Variants in UVRAG observed in about 807,000 individuals in gnomAD.
UVRAG encodes the protein UV radiation resistance-associated gene protein.
In UVRAG, 19 loss-of-function variants were observed where a neutral mutation model predicts 78.0. The ratio of observed to expected loss-of-function variants is 0.24; its 90% confidence interval spans 0.17 to 0.36. UVRAG has a LOEUF of 0.36. Among genes scored for constraint, UVRAG ranks in the 10% least tolerant of loss-of-function variants. UVRAG has a pLI of 1.00. For missense variants in UVRAG, 740 were observed against 853.8 expected, an observed-to-expected ratio of 0.87 and a Z score of 1.66; for synonymous variants, 323 against 324.6, an observed-to-expected ratio of 1.00 and a Z score of 0.05.
chr11:75,994,878 T>C (rs1949675331), intron 8 of UVRAG, among the ~76,000 whole-genome samples: 1 of 152,218 alleles, frequency 6.6e-6, no homozygotes, highest in African/African-American at 2.4e-5. Flanking sequence ...TTTATTATAG[T>C]ATGGCTGAAG....
intron 5 of UVRAG, among the ~76,000 whole-genome samples, chr11:75,897,706 T>C (rs1047136506): frequency 2.0e-5 from 3 of 151,758 alleles, no homozygotes; most frequent in African/African-American, 7.3e-5. Flanking sequence ...GTATTTTTAG[T>C]AGAGATGGGG....
In UVRAG at chr11:75,846,006, C is replaced by A. The variant is rs146690198; in HGVS notation, c.118-5877C>A. On this transcript the variant is annotated intron_variant, in intron 1 of 14. Coordinates refer to ENST00000356136, the MANE Select transcript of UVRAG (RefSeq NM_003369.4). The stretch of plus-strand genomic sequence containing the variant: ...TGTGTAAATTTACATTTTAATTACT[C>A]CGAATGTTTTTACTTTCCTGAGATA... 1.0e-3 allele frequency among the ~76,000 whole-genome samples: 158 copies of A among 152,180 alleles called. 1 individual carries two copies. The highest frequency in any genetic ancestry group is 3.4e-3 in the African/African-American group (142 of 41,512).
At chr11:75,837,122 G>C (rs1382322819) in intron 1 of UVRAG, among the ~76,000 whole-genome samples, 1 of 152,112 alleles carries the variant, frequency 6.6e-6, no homozygotes, top group African/African-American at 2.4e-5. Flanking sequence ...GAGGTCAGGA[G>C]ATCAAGACCA....
Position 76,130,935 on chromosome 11 carries a change from G to GTTTGTT in UVRAG, c.1398-9773_1398-9772insGTTTTT, listed in dbSNP as rs1565173721. Among the ~76,000 whole-genome samples the GTTTGTT allele has an allele frequency of 8.9e-3, 1,270 of 142,052 alleles. 22 individuals are homozygous for GTTTGTT. Among genetic ancestry groups the GTTTGTT allele is most frequent in the African/African-American group, 0.031 (1,198 of 38,604 alleles). The allele number at this position is 142,052 out of a possible 152,430, so 93.2% of individuals were successfully genotyped here. A position where few individuals can be genotyped will look rare whatever the true frequency, so the allele number is the denominator to read the frequency against. On this transcript the variant is annotated intron_variant, in intron 14 of 14. Coordinates refer to ENST00000356136, the MANE Select transcript of UVRAG (RefSeq NM_003369.4). ...AAAGGCAGAGGTTTTGGGTTTTTTT[G>GTTTGTT]TTTTTTTTTTTCATTTTTTCCCTGG...
intron 9 of UVRAG, among the ~76,000 whole-genome samples, chr11:76,007,179 A>AT (rs779543316): frequency 3.7e-4 from 57 of 152,098 alleles, no homozygotes; most frequent in South Asian, 1.5e-3. Context: ...AGCCAGGCTA[A>AT]TTTTTTTATT....
chr11:75,889,965 G>T (rs1662735067), intron 5 of UVRAG, among the ~76,000 whole-genome samples: 1 of 152,184 alleles, frequency 6.6e-6, no homozygotes, highest in South Asian at 2.1e-4. Flanking sequence ...AGTGAACTGT[G>T]TAAAGGGAGT....
At chr11:75,865,382 C>G (rs1853644600) in intron 3 of UVRAG, among the ~76,000 whole-genome samples, 1 of 150,704 alleles carries the variant, frequency 6.6e-6, no homozygotes, top group South Asian at 2.1e-4. Flanking sequence ...TTCTTTCTAA[C>G]TCTTGAATAC....
intron 8 of UVRAG, among the ~76,000 whole-genome samples, chr11:75,986,026 A>T (rs2135284187): frequency 6.6e-6 from 1 of 152,242 alleles, no homozygotes; most frequent in East Asian, 1.9e-4. Context: ...TTTTCATGTG[A>T]ATTTCTACAT....
intron 12 of UVRAG, among the ~76,000 whole-genome samples, chr11:76,043,019 G>C (rs1245721257): frequency 6.6e-6 from 1 of 152,172 alleles, no homozygotes; most frequent in African/African-American, 2.4e-5. Flanking sequence ...CAGTGATTTG[G>C]TTTTTCTGTC....
At chr11:75,874,580 TTTA>T (rs1946723805) in intron 3 of UVRAG, among the ~76,000 whole-genome samples, 2 of 152,252 alleles carry the variant, frequency 1.3e-5, no homozygotes, top group Non-Finnish European at 2.9e-5. Flanking sequence ...TTCATGTGGA[TTTA>T]TTGTTAGGAT....
At chr11:76,100,489 GTTCTCCCCATGAA>G (rs1435737878) in intron 13 of UVRAG, among the ~76,000 whole-genome samples, 1 of 152,090 alleles carries the variant, frequency 6.6e-6, no homozygotes, top group Non-Finnish European at 1.5e-5. Flanking sequence ...CTTAGGCCAT[GTTCTCCCCATGAA>G]TTCTCTCCTA....
chr11:75,965,128 A>C lies in UVRAG; in HGVS notation c.699+3579A>C, dbSNP rs889665134. ...TCAGTTTGTCAATTTCTACACACAC[A>C]AAAAAAAGGTCTGATGGAATTTTGA... On this transcript the variant is annotated intron_variant, in intron 7 of 14. Transcript: ENST00000356136. 8.9e-5 allele frequency among the ~76,000 whole-genome samples: 13 copies of C among 146,632 alleles called. No homozygotes were observed. In the South Asian group the frequency reaches 1.2e-3, roughly 14 times the overall value.
intron 5 of UVRAG, among the ~76,000 whole-genome samples, chr11:75,906,424 T>TCA (rs929999258): frequency 5.9e-5 from 9 of 151,966 alleles, no homozygotes; most frequent in Non-Finnish European, 1.5e-5. Context: ...TCAGCTCACT[T>TCA]CAATCTCTGC....
At chr11:76,126,297 T>C (rs1849244558) in intron 14 of UVRAG, among the ~76,000 whole-genome samples, 2 of 152,230 alleles carry the variant, frequency 1.3e-5, no homozygotes, top group Admixed American at 1.3e-4. Context: ...TTTAATAATA[T>C]ATTTTATTTA....
chr11:75,818,337 T>A lies in UVRAG; in HGVS notation c.117+2813T>A, dbSNP rs577031114. ...CTGTGTATGTCTAATGTTTTTTTTT[T>A]AAGTATTACTTTGTTGCCTTTTTTT... On this transcript the variant is annotated intron_variant, in intron 1 of 14. Coordinates refer to ENST00000356136, the MANE Select transcript of UVRAG (RefSeq NM_003369.4). Among the ~76,000 whole-genome samples, 19 of 152,276 alleles carry A rather than the reference T, an allele frequency of 1.2e-4. No homozygotes were observed. In the South Asian group the frequency reaches 2.7e-3, roughly 22 times the overall value.
At chr11:75,983,550 C>T (rs1409882056) in intron 8 of UVRAG, 37 bp downstream of exon 8, 2 of 1,514,754 alleles carry the variant, frequency 1.3e-6, no homozygotes, top group Non-Finnish European at 1.8e-6. Flanking sequence ...CTAACCTCCA[C>T]ATTCAGTAGT....
At chr11:75,886,341 G>A (rs1240380334) in intron 4 of UVRAG, among the ~76,000 whole-genome samples, 2 of 151,824 alleles carry the variant, frequency 1.3e-5, no homozygotes, top group Non-Finnish European at 2.9e-5. Flanking sequence ...TTTTGTTTGT[G>A]GACAATTTGG....
rs549885692 is a variant in UVRAG at position 75,826,029 on chromosome 11, G to A, written c.117+10505G>A. ...TTTTTGTAATTTTAGTAGAGATGGG[G>A]TTTCATCACGTTGGCCAGGCTGGTC... On this transcript the variant is annotated intron_variant, in intron 1 of 14. Transcript: ENST00000356136. 2.0e-5 allele frequency among the ~76,000 whole-genome samples: 3 copies of A among 152,070 alleles called. No individual in the cohort carries two copies. The East Asian group carries it at 5.8e-4, about 29-fold the overall frequency.
At chr11:75,897,993 C>T (rs980139888) in intron 5 of UVRAG, among the ~76,000 whole-genome samples, 4 of 151,046 alleles carry the variant, frequency 2.6e-5, no homozygotes, top group African/African-American at 4.9e-5. Context: ...CTCAGCCTCC[C>T]GAGTGGCTGG....
Sources: gnomAD v4.1 joint callset for allele counts (sites outside exome capture counted in the v4.1 genomes callset) on GRCh38, gnomAD v4.1.1 for gene constraint, MANE v1.5 for transcripts, NCBI Gene and HGNC (gene_info 2026-07-23, HGNC 2026-07-21) for gene names.